The following PDE1A variants were observed in gnomAD, a reference collection of about 807,000 sequenced individuals.
PDE1A encodes dual specificity calcium/calmodulin-dependent 3',5'-cyclic nucleotide phosphodiesterase 1A.
A neutral mutation model predicts 61.7 loss-of-function variants in PDE1A; 35 were observed. The ratio of observed to expected loss-of-function variants is 0.57; its 90% CI spans 0.43 to 0.75. The LOEUF (loss-of-function observed/expected upper bound fraction) is 0.75, where lower values mean the gene tolerates loss of function less well. PDE1A is among the 30% of genes least tolerant of loss of function. The pLI is 0.00. For synonymous variants in PDE1A, 232 were observed against 213.2 expected, an observed-to-expected ratio of 1.09 and a Z score of -0.77; for missense variants, 597 against 630.6, an observed-to-expected ratio of 0.95 and a Z score of 0.57.
intron 13 of PDE1A, among the ~76,000 whole-genome samples, chr2:182,147,512 A>G (rs1373337480): frequency 6.6e-6 from 1 of 152,204 alleles, no homozygotes; most frequent in East Asian, 1.9e-4. Context: ...CTAATGATCA[A>G]TGTTTTTTAA....
the PDE1A span, among the ~76,000 whole-genome samples, chr2:182,642,841 G>A: frequency 6.6e-6 from 1 of 152,064 alleles, no homozygotes; most frequent in East Asian, 1.9e-4. Flanking sequence ...TGAAAATTGC[G>A]TCTTCCAGTG....
chr2:182,426,612 T>C (rs750834823), exon 1 of PDE1A: 18 of 1,612,406 alleles, frequency 1.1e-5, no homozygotes, highest in Non-Finnish European at 1.4e-5. Context: ...TTCTTCCTGA[T>C]TGTGACATGG....
chr2:182,516,765 G>GAAAGAAAGAAAGAA (rs1559534182), intron 2 of PDE1A, among the ~76,000 whole-genome samples: 1 of 120,606 alleles, frequency 8.3e-6, no homozygotes. Flanking sequence ...GAAAGAAAAA[G>GAAAGAAAGAAAGAA]AAAGAAAGAA....
At chr2:182,420,472 C>G (rs1483485658) in intron 1 of PDE1A, among the ~76,000 whole-genome samples, 1 of 152,098 alleles carries the variant, frequency 6.6e-6, no homozygotes, top group Non-Finnish European at 1.5e-5. Context: ...GGTTTCTAAT[C>G]AATTTGTTCC....
At chr2:182,659,296 C>T in the PDE1A span, among the ~76,000 whole-genome samples, 1 of 152,250 alleles carries the variant, frequency 6.6e-6, no homozygotes, top group East Asian at 1.9e-4. Context: ...CTGAGAAATC[C>T]TTGAATAAAT....
chr2:182,447,578 C>G (rs1685227525), intron 2 of PDE1A, among the ~76,000 whole-genome samples: 1 of 151,996 alleles, frequency 6.6e-6, no homozygotes, highest in African/African-American at 2.4e-5. Flanking sequence ...CTAAGGGATC[C>G]CTTCTATAAG....
Position 182,435,810 on chromosome 2 carries a change from A to G in PDE1A, c.101+86466T>C, listed in dbSNP as rs116272172. On this transcript the variant is annotated intron_variant, in intron 2 of 14. Coordinates refer to the PDE1A transcript ENST00000410103. ...CCTCCGTATTTTAAGTTTGGCTTCA[A>G]TATAATGCTAAATTGGATTAGCAAT... 2.6e-5 allele frequency among the ~76,000 whole-genome samples: 4 copies of G among 152,084 alleles called. No homozygotes were observed. In the South Asian group the frequency reaches 6.2e-4, roughly 24 times the overall value.
chr2:182,427,051 T>G, upstream of PDE1A: 1 of 990,022 alleles, frequency 1.0e-6, no homozygotes, highest in African/African-American at 1.7e-5. Context: ...AGTCCCTCCC[T>G]GTCTTTAAAA....
intron 1 of PDE1A, among the ~76,000 whole-genome samples, chr2:182,365,237 C>G (rs187869952): frequency 1.1e-4 from 16 of 152,062 alleles, no homozygotes; most frequent in Admixed American, 5.3e-4. Flanking sequence ...TAAGATGATG[C>G]CTGGCAAATG....
At chr2:182,446,296 A>T (rs978775842) in intron 2 of PDE1A, among the ~76,000 whole-genome samples, 7 of 152,110 alleles carry the variant, frequency 4.6e-5, no homozygotes, top group Non-Finnish European at 1.0e-4. Context: ...AGAACAGCAT[A>T]CCAGTGAAGT....
At chr2:182,377,089 T>C (rs1364276631) in intron 1 of PDE1A, among the ~76,000 whole-genome samples, 3 of 152,160 alleles carry the variant, frequency 2.0e-5, no homozygotes, top group Non-Finnish European at 4.4e-5. Flanking sequence ...ACCCACGTGA[T>C]TGGGTAAAAA....
chr2:182,199,600 TCA>T (rs1169394426), intron 10 of PDE1A, among the ~76,000 whole-genome samples: 2 of 152,116 alleles, frequency 1.3e-5, no homozygotes, highest in Non-Finnish European at 2.9e-5. Context: ...ATCTCTAATG[TCA>T]CAGGGCTATA....
chr2:182,209,527 A>G (rs1417596902), intron 7 of PDE1A, among the ~76,000 whole-genome samples: 11 of 150,972 alleles, frequency 7.3e-5, no homozygotes, highest in Non-Finnish European at 1.5e-4. Context: ...ATTATTTGAT[A>G]TGGTTTGGAT....
the PDE1A span, among the ~76,000 whole-genome samples, chr2:182,661,081 T>C: frequency 6.6e-6 from 1 of 152,226 alleles, no homozygotes; most frequent in African/African-American, 2.4e-5. Context: ...TGTTTGACAT[T>C]TGAATGTTTA....
the PDE1A span, among the ~76,000 whole-genome samples, chr2:182,663,808 T>C: frequency 5.3e-5 from 8 of 151,968 alleles, no homozygotes; most frequent in African/African-American, 1.9e-4. Context: ...CCTTCACATG[T>C]ACCCCTGAAC....
chr2:182,465,524 A>C (rs1686601011), intron 2 of PDE1A, among the ~76,000 whole-genome samples: 1 of 152,106 alleles, frequency 6.6e-6, no homozygotes. Flanking sequence ...GTAGAAAATA[A>C]GATACTCTTT....
intron 1 of PDE1A, chr2:182,522,543 T>C: frequency 7.0e-7 from 1 of 1,437,268 alleles, no homozygotes; most frequent in East Asian, 2.5e-5. Flanking sequence ...GCTATTGACT[T>C]TGACAGGCAT....
At chr2:182,178,833 T>C (rs1269903822) in intron 13 of PDE1A, among the ~76,000 whole-genome samples, 6 of 151,848 alleles carry the variant, frequency 4.0e-5, no homozygotes, top group Non-Finnish European at 8.8e-5. Context: ...CAAGCAAAGA[T>C]GTGGGGGCCT....
At chr2:182,270,982 TC>T (rs1421265103) in intron 1 of PDE1A, among the ~76,000 whole-genome samples, 5 of 151,970 alleles carry the variant, frequency 3.3e-5, no homozygotes, top group African/African-American at 1.2e-4. Context: ...AGTATTTTTT[TC>T]ATACAGGCAA....
Sources: allele counts gnomAD v4.1 joint callset (sites outside exome capture counted in the v4.1 genomes callset), GRCh38; gene constraint gnomAD v4.1.1; transcripts MANE v1.5; gene names NCBI Gene and HGNC (gene_info 2026-07-23, HGNC 2026-07-21).